Variants in CD276 observed in about 807,000 individuals in gnomAD.
The protein encoded by CD276 is CD276 molecule, also known as CD276 antigen.
Under a neutral mutation model 50.0 loss-of-function variants are expected in CD276, and 34 were observed. The ratio of observed to expected loss-of-function variants is 0.68; its 90% CI spans 0.52 to 0.91. The LOEUF is 0.91. Ranked by LOEUF, CD276 falls within the 40% of genes least tolerant of loss-of-function variation. The pLI, the probability that CD276 is intolerant of heterozygous loss-of-function variation, is 0.00. For missense variants in CD276, 634 were observed against 717.5 expected (o/e 0.88, Z 1.33); for synonymous variants, 275 against 313.0 (o/e 0.88, Z 1.28).
At chr15:73,694,318 G>A (rs924218679) in intron 1 of CD276, among the ~76,000 whole-genome samples, 3 of 152,148 alleles carry the variant, frequency 2.0e-5, no homozygotes, top group Non-Finnish European at 4.4e-5. Flanking sequence ...GGCATCACTC[G>A]GTGACTCTGA....
In CD276 at chr15:73,703,960, G is replaced by A. The variant is rs1465325845; in HGVS notation, c.1035G>A (p.Arg345=). The A allele has an allele frequency of 6.2e-7, 1 of 1,612,168 alleles. No individual in the cohort carries two copies. The highest frequency in any genetic ancestry group is 1.3e-5 in the African/African-American group (1 of 75,046). Reference sequence around the variant, plus strand: ...GCTTCACCTGCTTCGTGAGCATCCGGGATTTCGGCAGCGCTGCCGTCAGCC... The same window carrying A: ...GCTTCACCTGCTTCGTGAGCATCCGAGATTTCGGCAGCGCTGCCGTCAGCC... ...EGSFTCFVSI[R]DFGSAAVSLQ... The change falls in exon 5 of 10, where the codon CGG becomes CGA. Residue 345 remains arginine (R), a synonymous_variant. Coordinates refer to ENST00000318443, the MANE Select transcript of CD276 (RefSeq NM_001024736.2).
chr15:73,699,151 G>A (rs1051380526), intron 1 of CD276, among the ~76,000 whole-genome samples: 2 of 152,088 alleles, frequency 1.3e-5, no homozygotes, highest in Non-Finnish European at 1.5e-5. Flanking sequence ...AGCTTCAGTG[G>A]CTCTCAACTG....
In CD276 at chr15:73,711,169, A is replaced by T. The variant is rs749990179; in HGVS notation, c.1581A>T (p.Glu527Asp). The change falls in exon 9 of 10, where the codon GAA (glutamate) becomes GAT (aspartate). Residue 527 changes from glutamate (E) to aspartate (D), a missense_variant and splice_region_variant. By Grantham distance (45) the Glu-to-Asp change is conservative. Transcript: ENST00000318443. ...LQPLKHSDSK[E>D]DDGQEIA ...CTCTGAAACACTCTGACAGCAAAGA[A>T]GGTAAAGACACCTGGGCTTGAGGTT... 4.3e-6 allele frequency: 7 copies of T among 1,613,830 alleles called. No homozygotes were observed. In the Admixed American group the frequency reaches 8.3e-5, roughly 19 times the overall value.
At chr15:73,690,577 C>T (rs890028617) in intron 1 of CD276, 21 of 398,590 alleles carry the variant, frequency 5.3e-5, no homozygotes, top group Admixed American at 5.3e-4. Flanking sequence ...GGCATGTGAG[C>T]GTGCAGTACA....
intron 1 of CD276, among the ~76,000 whole-genome samples, chr15:73,692,326 T>C (rs968300593): frequency 6.6e-6 from 1 of 152,246 alleles, no homozygotes; most frequent in African/African-American, 2.4e-5. Flanking sequence ...CATATTCTAT[T>C]TTAATGATAT....
intron 9 of CD276, 198 bp downstream of exon 9, chr15:73,711,368 G>A (rs1017826669): frequency 6.7e-6 from 4 of 597,202 alleles, no homozygotes; most frequent in African/African-American, 3.7e-5. Context: ...ACCCAAATAC[G>A]ACAGAGGCTT....
At chr15:73,709,574 T>C in intron 7 of CD276, 74 bp from the exon 8 acceptor site, 1 of 1,482,312 alleles carries the variant, frequency 6.7e-7, no homozygotes. Context: ...TCCTGCACTC[T>C]CAGGTGGGAA....
intron 6 of CD276, among the ~76,000 whole-genome samples, chr15:73,706,622 A>C (rs1679808902): frequency 6.6e-6 from 1 of 152,168 alleles, no homozygotes; most frequent in African/African-American, 2.4e-5. Context: ...GGTCTGGCCT[A>C]CTTTGGAGCC....
rs182879085 is a variant in CD276, at chr15:73,713,886, G to A, written c.*930G>A. On this transcript the variant is annotated 3_prime_UTR_variant, in exon 10 of 10. Coordinates refer to ENST00000318443, the MANE Select transcript of CD276 (RefSeq NM_001024736.2). ...TACAGATGTCAGCACTGTGTTAGGT[G>A]CTGGGGGCCCTGCGTGGGAAGATAA... 4 of 393,790 alleles carry A rather than the reference G, an allele frequency of 1.0e-5. No homozygotes were observed. Among genetic ancestry groups the A allele is most frequent in the Non-Finnish European group, 2.0e-5 (4 of 205,058 alleles). 24.4% of individuals were successfully genotyped at this position (393,790 alleles called of 1,614,324 possible).
Position 73,709,662 on chromosome 15 carries a change from G to C in CD276, c.1519G>C (p.Asp507His). Residue 507 changes from aspartate to histidine, a missense_variant, in exon 8 of 10, where the codon GAT (aspartate) becomes CAT (histidine). Asp to His is a moderately conservative substitution (Grantham distance 81, BLOSUM62 -1). Coordinates refer to ENST00000318443, the MANE Select transcript of CD276 (RefSeq NM_001024736.2). Reference protein sequence around the residue: ...EEENAGAEDQDGEGEGSKTAL... With the variant: ...EEENAGAEDQHGEGEGSKTAL... ...TGCCTTTGCAGGAGCTGAGGACCAG[G>C]ATGGGGAGGGAGAAGGCTCCAAGAC... The C allele has an allele frequency of 6.2e-7, 1 of 1,613,126 alleles. No individual in the cohort carries two copies. The highest frequency in any genetic ancestry group is 8.5e-7 in the Non-Finnish European group (1 of 1,179,706).
rs1262186042 is a variant in CD276 at position 73,702,428 on chromosome 15, C to T, written c.253C>T (p.Gln85Ter). ...LVHSFAEGQD[Q>*]GSAYANRTAL... is the part of the protein sequence containing the mutation. ...GCACAGCTTTGCTGAGGGCCAGGAC[C>T]AGGGCAGCGCCTATGCCAACCGCAC... The change falls in exon 3 of 10, where the codon CAG becomes TAG. Residue 85 changes from glutamine to a stop codon, truncating the protein, a stop_gained. Transcript: ENST00000318443. LOFTEE classifies it high-confidence loss of function. 1.7e-5 allele frequency: 27 copies of T among 1,613,790 alleles called. No individual in the cohort carries two copies. Among genetic ancestry groups the T allele is most frequent in the Non-Finnish European group, 2.1e-5 (25 of 1,180,012 alleles).
intron 1 of CD276, among the ~76,000 whole-genome samples, chr15:73,685,602 C>G (rs528433713): frequency 6.6e-6 from 1 of 151,848 alleles, no homozygotes; most frequent in African/African-American, 2.4e-5. Context: ...GCCCGGGGTC[C>G]TTTTCTTATA....
chr15:73,696,329 G>A (rs1900174674), intron 1 of CD276, among the ~76,000 whole-genome samples: 1 of 152,164 alleles, frequency 6.6e-6, no homozygotes, highest in Non-Finnish European at 1.5e-5. Context: ...ACGTGGCTCT[G>A]GGTCCCGGGC....
chr15:73,705,716 T>C (rs1336125986), intron 6 of CD276, among the ~76,000 whole-genome samples: 1 of 152,018 alleles, frequency 6.6e-6, no homozygotes, highest in Admixed American at 6.6e-5. Flanking sequence ...GCAGAGGATA[T>C]GAAGCTTTCA....
At chr15:73,691,965 C>A (rs1900003427) in intron 1 of CD276, among the ~76,000 whole-genome samples, 1 of 152,142 alleles carries the variant, frequency 6.6e-6, no homozygotes, top group Non-Finnish European at 1.5e-5. Flanking sequence ...TCAGGCCAGT[C>A]TAGGGTAGAA....
At chr15:73,692,197 C>T (rs897749074) in intron 1 of CD276, among the ~76,000 whole-genome samples, 2 of 152,166 alleles carry the variant, frequency 1.3e-5, no homozygotes, top group African/African-American at 2.4e-5. Context: ...CTCCTCTGTG[C>T]AGTCCTTACT....
intron 1 of CD276, among the ~76,000 whole-genome samples, chr15:73,693,725 G>T (rs780264386): frequency 1.3e-4 from 20 of 152,190 alleles, no homozygotes; most frequent in Non-Finnish European, 2.2e-4. Context: ...GACTCATTCT[G>T]TGTGGTCCAA....
intron 9 of CD276, among the ~76,000 whole-genome samples, chr15:73,712,559 G>C (rs1161721836): frequency 6.6e-6 from 1 of 152,270 alleles, no homozygotes; most frequent in Admixed American, 6.5e-5. Context: ...TGGGAAGGCT[G>C]CCTGCTGGAC....
intron 6 of CD276, among the ~76,000 whole-genome samples, chr15:73,706,326 T>A (rs1900650424): frequency 6.6e-6 from 1 of 152,212 alleles, no homozygotes; most frequent in Non-Finnish European, 1.5e-5. Context: ...ACGAAGAAAC[T>A]GAGGTCCACA....
Sources: gnomAD v4.1 joint callset for allele counts (sites outside exome capture counted in the v4.1 genomes callset) on GRCh38, gnomAD v4.1.1 for gene constraint, MANE v1.5 for transcripts, NCBI Gene and HGNC (gene_info 2026-07-23, HGNC 2026-07-21) for gene names.